The following HEATR5A variants were observed in gnomAD, a reference collection of about 807,000 sequenced individuals.
The protein encoded by HEATR5A is HEAT repeat-containing protein 5A.
Under a neutral mutation model 218.8 loss-of-function variants are expected in HEATR5A, and 178 were observed. That is an observed-to-expected ratio of 0.81 (90% CI 0.72 to 0.92). The LOEUF (loss-of-function observed/expected upper bound fraction) is 0.92. Among genes scored for constraint, HEATR5A ranks in the 40% least tolerant of loss-of-function variants. The pLI, the probability that HEATR5A is intolerant of heterozygous loss-of-function variation, is 0.00. For synonymous variants in HEATR5A, 864 were observed against 871.6 expected (o/e 0.99, Z 0.15); for missense variants, 2,420 against 2,418.9 (o/e 1.00, Z -0.01).
chr14:31,384,936 CA>C (rs2030151441), intron 9 of HEATR5A, among the ~76,000 whole-genome samples: 1 of 152,120 alleles, frequency 6.6e-6, no homozygotes, highest in South Asian at 2.1e-4. Context: ...ACTACAAAGA[CA>C]GTGAAGTAAC....
intron 25 of HEATR5A, chr14:31,320,679 TC>T: frequency 1.9e-6 from 1 of 518,548 alleles, no homozygotes; most frequent in Non-Finnish European, 3.5e-6. Flanking sequence ...GCACTCAGCT[TC>T]CCCCACCCGG....
At chr14:31,417,378 G>A (rs1243193842) in intron 1 of HEATR5A, among the ~76,000 whole-genome samples, 4 of 152,058 alleles carry the variant, frequency 2.6e-5, no homozygotes, top group Non-Finnish European at 5.9e-5. Flanking sequence ...GGCTAACACG[G>A]TGAAACCCTA....
chr14:31,321,718 T>C, intron 24 of HEATR5A, 38 bp from the exon 25 acceptor site: 2 of 1,445,022 alleles, frequency 1.4e-6, no homozygotes, highest in Non-Finnish European at 1.9e-6. Context: ...AAAAAAAGAT[T>C]AGAAAATATC....
intron 1 of HEATR5A, among the ~76,000 whole-genome samples, chr14:31,408,625 T>C (rs1337268425): frequency 1.3e-5 from 2 of 152,234 alleles, no homozygotes; most frequent in Middle Eastern, 3.4e-3. Context: ...TCAACTTAAG[T>C]ACCAGTCTTC....
intron 25 of HEATR5A, among the ~76,000 whole-genome samples, chr14:31,318,923 GC>G (rs1899999160): frequency 6.6e-6 from 1 of 152,166 alleles, no homozygotes; most frequent in Non-Finnish European, 1.5e-5. Flanking sequence ...TCTTTCTGAG[GC>G]CCTGGGTGCT....
intron 13 of HEATR5A, among the ~76,000 whole-genome samples, chr14:31,370,062 TA>T (rs1400719801): frequency 1.3e-5 from 2 of 151,228 alleles, no homozygotes; most frequent in African/African-American, 4.9e-5. Flanking sequence ...CCATCTCTAT[TA>T]AAAATACAAA....
At chr14:31,392,373 T>G (rs78537906) in intron 6 of HEATR5A, among the ~76,000 whole-genome samples, 1 of 152,212 alleles carries the variant, frequency 6.6e-6, no homozygotes, top group Non-Finnish European at 1.5e-5. Context: ...CTTTCTTTCC[T>G]GCCTTCTCAC....
intron 11 of HEATR5A, among the ~76,000 whole-genome samples, chr14:31,376,103 G>A (rs1595152316): frequency 6.6e-6 from 1 of 152,180 alleles, no homozygotes; most frequent in South Asian, 2.1e-4. Flanking sequence ...TATTAGTTGT[G>A]TAAACCTGGA....
chr14:31,373,353 A>T (rs559831432), intron 12 of HEATR5A, among the ~76,000 whole-genome samples: 2 of 140,982 alleles, frequency 1.4e-5, no homozygotes, highest in East Asian at 4.1e-4. Context: ...TCTGAGATGG[A>T]GTTTCACTCT....
At chr14:31,298,044 T>A (rs1004096065) in intron 33 of HEATR5A, among the ~76,000 whole-genome samples, 3 of 152,212 alleles carry the variant, frequency 2.0e-5, no homozygotes, top group African/African-American at 7.2e-5. Flanking sequence ...AAAATATCTT[T>A]ATTCCTACTC....
chr14:31,296,131 TCAGTTTGGTAGTAA>T (rs1198557164), intron 33 of HEATR5A, 68 bp from the exon 34 acceptor site: 2 of 1,340,574 alleles, frequency 1.5e-6, no homozygotes, highest in Non-Finnish European at 2.1e-6. Flanking sequence ...GAAGCTGTCT[TCAGTTTGGTAGTAA>T]CAGTTTGGTG....
chr14:31,400,490 T>C lies in HEATR5A; in HGVS notation c.149A>G (p.Lys50Arg), dbSNP rs1446280441. The C allele has an allele frequency of 1.3e-6, 2 of 1,535,124 alleles. No individual in the cohort carries two copies. The highest frequency in any genetic ancestry group is 2.0e-5 in the Admixed American group (1 of 50,932). ...AGACAGGAGCTGTTCAACAAGAGTC[T>C]TCTGTTTCTCCCTTACATCATTCTA... is the stretch of plus-strand genomic sequence containing the variant. The part of the protein sequence containing the change: ...TSRNDVREKQ[K>R]TLVEQLLSLL... Residue 50 changes from lysine (K) to arginine (R), a missense_variant, in exon 3 of 36, where the codon AAG becomes AGG. By Grantham distance (26) the Lys-to-Arg change is conservative. Coordinates refer to ENST00000543095, the MANE Select transcript of HEATR5A (RefSeq NM_015473.4).
intron 31 of HEATR5A, 85 bp downstream of exon 31, chr14:31,306,647 A>G: frequency 1.1e-5 from 14 of 1,330,686 alleles, no homozygotes; most frequent in Non-Finnish European, 1.4e-5. Flanking sequence ...ACAAAAGATT[A>G]TCAAAACTAT....
intron 27 of HEATR5A, among the ~76,000 whole-genome samples, chr14:31,313,852 A>G (rs1225354523): frequency 6.6e-6 from 1 of 152,220 alleles, no homozygotes; most frequent in East Asian, 1.9e-4. Flanking sequence ...TCCCAGATAT[A>G]TATTGGTCAG....
At chr14:31,397,983 A>T (rs1313598933) in intron 4 of HEATR5A, among the ~76,000 whole-genome samples, 3 of 152,204 alleles carry the variant, frequency 2.0e-5, no homozygotes, top group Non-Finnish European at 4.4e-5. Flanking sequence ...AGTTGTCCTT[A>T]CATATTAGGG....
At chr14:31,317,293 G>C (rs1162795824) in intron 26 of HEATR5A, among the ~76,000 whole-genome samples, 1 of 114,740 alleles carries the variant, frequency 8.7e-6, no homozygotes, top group Non-Finnish European at 1.7e-5. Context: ...TCCCGGGCTA[G>C]ATTTTTTTTT....
intron 10 of HEATR5A, among the ~76,000 whole-genome samples, chr14:31,382,108 C>A (rs968423067): frequency 1.3e-5 from 2 of 152,186 alleles, no homozygotes; most frequent in African/African-American, 4.8e-5. Context: ...GTGGATAATT[C>A]TCTCGGAAAG....
intron 1 of HEATR5A, among the ~76,000 whole-genome samples, chr14:31,418,435 T>C (rs1292167810): frequency 1.3e-5 from 2 of 152,222 alleles, no homozygotes; most frequent in East Asian, 3.8e-4. Flanking sequence ...AGCATTGTTG[T>C]GTTCAATAAA....
chr14:31,362,544 C>T (rs975420936), intron 14 of HEATR5A, among the ~76,000 whole-genome samples: 1 of 138,532 alleles, frequency 7.2e-6, no homozygotes, highest in Non-Finnish European at 1.5e-5. Flanking sequence ...GGGAGGATCA[C>T]TGAAGCCCAG....
Sources: allele counts gnomAD v4.1 joint callset (sites outside exome capture counted in the v4.1 genomes callset), GRCh38; gene constraint gnomAD v4.1.1; transcripts MANE v1.5; gene names NCBI Gene and HGNC (gene_info 2026-07-23, HGNC 2026-07-21).